Variants in CFAP20DC observed in about 807,000 individuals in gnomAD.
The protein encoded by CFAP20DC is protein CFAP20DC.
CFAP20DC carries 84 observed loss-of-function variants against 101.7 expected under a neutral mutation model. The ratio of observed to expected loss-of-function variants is 0.83; its 90% CI spans 0.69 to 0.99. CFAP20DC has a LOEUF of 0.99. CFAP20DC is among the 50% of genes least tolerant of loss of function. The pLI is 0.00. For synonymous variants in CFAP20DC, 359 were observed against 351.2 expected (o/e 1.02, Z -0.25); for missense variants, 1,007 against 970.3 (o/e 1.04, Z -0.50).
chr3:58,878,881 A>C (rs142841301), intron 7 of CFAP20DC, among the ~76,000 whole-genome samples: 2 of 152,094 alleles, frequency 1.3e-5, no homozygotes, highest in African/African-American at 4.8e-5. Context: ...GGTGGTGGGC[A>C]CCTGTAGTCC....
At chr3:59,021,537 C>T (rs2093802599) in intron 4 of CFAP20DC, among the ~76,000 whole-genome samples, 1 of 152,098 alleles carries the variant, frequency 6.6e-6, no homozygotes, top group African/African-American at 2.4e-5. Context: ...CAGCTTACAA[C>T]CTCTAAAATT....
At chr3:58,810,050 G>A (rs1201119836) in intron 14 of CFAP20DC, among the ~76,000 whole-genome samples, 1 of 152,088 alleles carries the variant, frequency 6.6e-6, no homozygotes, top group Non-Finnish European at 1.5e-5. Context: ...CTGAAATTGT[G>A]GCAATAATCA....
chr3:58,743,606 G>T (rs1049243322), intron 16 of CFAP20DC, among the ~76,000 whole-genome samples: 8 of 152,224 alleles, frequency 5.3e-5, no homozygotes, highest in African/African-American at 1.7e-4. Flanking sequence ...GAAGAGTTTG[G>T]ATGGTGGGTA....
At chr3:58,998,627 T>C (rs1390279818) in intron 4 of CFAP20DC, among the ~76,000 whole-genome samples, 1 of 152,010 alleles carries the variant, frequency 6.6e-6, no homozygotes, top group Non-Finnish European at 1.5e-5. Flanking sequence ...TGGAGGAGGA[T>C]ATAGCCCCAC....
rs1469556951 is a variant in CFAP20DC at position 59,049,984 on chromosome 3, G to A, written c.-353C>T. On this transcript the variant is annotated 5_prime_UTR_variant, in exon 1 of 17. Coordinates refer to ENST00000482387, the MANE Select transcript of CFAP20DC (RefSeq NM_001394063.1). ...CCACAGACAACCGCCCGCTGGCCTA[G>A]GAAAAGCGGGCGCGCTCCCGCTGCC... 2.2e-5 allele frequency: 6 copies of A among 266,898 alleles called. No homozygotes were observed. The highest frequency in any genetic ancestry group is 4.2e-5 in the Non-Finnish European group (6 of 141,200). The allele number at this position is 266,898 out of a possible 1,614,324, so 16.5% of individuals were successfully genotyped here.
chr3:58,972,597 A>G (rs2092014744), intron 4 of CFAP20DC, among the ~76,000 whole-genome samples: 1 of 152,180 alleles, frequency 6.6e-6, no homozygotes, highest in Non-Finnish European at 1.5e-5. Flanking sequence ...TTTTCTTCTA[A>G]TTTGAATTAG....
In CFAP20DC at chr3:58,913,965, T is replaced by C. The variant is rs997599081; in HGVS notation, c.394-101A>G. The C allele has an allele frequency of 2.6e-5, 32 of 1,249,974 alleles. No individual in the cohort carries two copies. Among genetic ancestry groups the C allele is most frequent in the Non-Finnish European group, 3.5e-5 (31 of 890,788 alleles). 77.4% of individuals were successfully genotyped at this position (1,249,974 alleles called of 1,614,324 possible). On this transcript the variant is annotated intron_variant, in intron 5 of 16. Transcript: ENST00000482387. The surrounding 1 kb of genome is among the most constrained non-coding windows in gnomAD (Gnocchi z 4.4). Reference sequence around the variant, plus strand: ...ATTCAAAGAGTTGAGGCAGTTATCCTGATCAACAAGCCCCAAACTAATTTT... The same window carrying C: ...ATTCAAAGAGTTGAGGCAGTTATCCCGATCAACAAGCCCCAAACTAATTTT...
intron 14 of CFAP20DC, among the ~76,000 whole-genome samples, chr3:58,815,244 A>G (rs1404892172): frequency 6.6e-6 from 1 of 151,520 alleles, no homozygotes. Context: ...CCTGAGAAAA[A>G]CAAGCAATGG....
intron 6 of CFAP20DC, among the ~76,000 whole-genome samples, chr3:58,906,388 A>T (rs1436417388): frequency 6.6e-6 from 1 of 152,202 alleles, no homozygotes; most frequent in African/African-American, 2.4e-5. Flanking sequence ...ATAATTACAC[A>T]CAGAACTCAC....
chr3:58,969,717 A>T lies in CFAP20DC; in HGVS notation c.279-31955T>A, dbSNP rs74572253. On this transcript the variant is annotated intron_variant, in intron 4 of 16. Coordinates refer to ENST00000482387, the MANE Select transcript of CFAP20DC (RefSeq NM_001394063.1). ...GAAACAATAGTTCTTATTCTTATCT[A>T]TTCCACTCTACAATATGGATAAACC... Among the ~76,000 whole-genome samples, 751 of 152,288 alleles carry T rather than the reference A, an allele frequency of 4.9e-3. 14 individuals carry two copies. The highest frequency in any genetic ancestry group is 0.018 in the African/African-American group (736 of 41,574).
At chr3:58,891,365 T>C (rs1406502035) in intron 6 of CFAP20DC, among the ~76,000 whole-genome samples, 1 of 150,328 alleles carries the variant, frequency 6.7e-6, no homozygotes, top group Non-Finnish European at 1.5e-5. Flanking sequence ...ATGGCAGCAG[T>C]ACAGTCCAGC....
At chr3:58,751,868 A>AC (rs1559541321) in intron 16 of CFAP20DC, among the ~76,000 whole-genome samples, 130 of 125,564 alleles carry the variant, frequency 1.0e-3, no homozygotes, top group African/African-American at 4.1e-3. Flanking sequence ...CACACACACA[A>AC]AATTTCCTCC....
chr3:59,016,027 T>A (rs561267803), intron 4 of CFAP20DC, among the ~76,000 whole-genome samples: 1 of 152,132 alleles, frequency 6.6e-6, no homozygotes, highest in Non-Finnish European at 1.5e-5. Flanking sequence ...GGGAATTCCC[T>A]ACCTGAGTGG....
Position 58,819,408 on chromosome 3 carries a change from G to GA in CFAP20DC, c.2175+12277dup, listed in dbSNP as rs1267847211. 8.0e-4 allele frequency among the ~76,000 whole-genome samples: 120 copies of GA among 150,864 alleles called. No individual in the cohort carries two copies. The East Asian group carries it at 0.015, about 19-fold the overall frequency. On this transcript the variant is annotated intron_variant, in intron 14 of 16. Coordinates refer to ENST00000482387, the MANE Select transcript of CFAP20DC (RefSeq NM_001394063.1). ...ATAGACCTCCAGCAAGACTAATAAA[G>GA]AAAAAAAGAGAGAAGAATCAAATAG...
At chr3:58,856,013 A>T (rs1465693235) in intron 12 of CFAP20DC, among the ~76,000 whole-genome samples, 4 of 151,876 alleles carry the variant, frequency 2.6e-5, no homozygotes, top group African/African-American at 9.7e-5. Context: ...AGAAAGAAAA[A>T]AAGGAATGAC....
intron 4 of CFAP20DC, among the ~76,000 whole-genome samples, chr3:59,028,933 A>G (rs537592747): frequency 6.5e-4 from 99 of 152,328 alleles, no homozygotes; most frequent in African/African-American, 2.4e-3. Flanking sequence ...TAATTTGACC[A>G]AAGTCCCACA....
At chr3:58,741,771 A>T (rs1004247400), downstream of CFAP20DC, among the ~76,000 whole-genome samples, 31 of 151,702 alleles carry the variant, frequency 2.0e-4, no homozygotes, top group Non-Finnish European at 3.2e-4. Context: ...TTTTTTTTTT[A>T]AAAGAAAAAT....
intron 13 of CFAP20DC, among the ~76,000 whole-genome samples, chr3:58,847,091 G>C (rs1287112387): frequency 1.1e-5 from 1 of 95,002 alleles, no homozygotes; most frequent in Admixed American, 1.1e-4. Context: ...TTACCATTCA[G>C]GACATAGGCA....
At chr3:58,953,895 C>G (rs2090386493) in intron 4 of CFAP20DC, 1 of 152,086 alleles carries the variant, frequency 6.6e-6, no homozygotes, top group East Asian at 1.9e-4. Context: ...TTAAAAAACA[C>G]CATATATGAG....
Sources: allele counts gnomAD v4.1 joint callset (sites outside exome capture counted in the v4.1 genomes callset), GRCh38; gene constraint gnomAD v4.1.1; non-coding constraint Gnocchi (gnomAD v3.1); transcripts MANE v1.5; gene names NCBI Gene and HGNC (gene_info 2026-07-23, HGNC 2026-07-21).